The following BRINP3 variants were observed in gnomAD, a reference collection of about 807,000 sequenced individuals.
The protein encoded by BRINP3 is BMP/retinoic acid inducible neural specific 3, also known as BMP/retinoic acid-inducible neural-specific protein 3.
Under a neutral mutation model 71.0 loss-of-function variants are expected in BRINP3, and 19 were observed. That is an observed-to-expected ratio of 0.27 (90% confidence interval 0.19 to 0.39). The LOEUF (loss-of-function observed/expected upper bound fraction) is 0.39, where lower values mean the gene tolerates loss of function less well. Ranked by LOEUF, BRINP3 falls within the 10% of genes least tolerant of loss-of-function variation. BRINP3 has a pLI of 1.00. For missense variants in BRINP3, 959 were observed against 940.8 expected, an observed-to-expected ratio of 1.02 and a Z score of -0.25; for synonymous variants, 380 against 337.7, an observed-to-expected ratio of 1.13 and a Z score of -1.37.
Position 190,277,589 on chromosome 1 carries a change from C to T in BRINP3, c.427+3971G>A, listed in dbSNP as rs149061887. Among the ~76,000 whole-genome samples, 120 of 151,772 alleles carry T rather than the reference C, an allele frequency of 7.9e-4. 1 individual carries two copies. The East Asian group carries it at 0.015, about 19-fold the overall frequency. The stretch of plus-strand genomic sequence containing the variant: ...CAGTTTTGTTGCATTATAGTAAACT[C>T]TCTTTCTCCCCCTAATTAAAGCCCA... On this transcript the variant is annotated intron_variant, in intron 3 of 7. Coordinates refer to ENST00000367462, the MANE Select transcript of BRINP3 (RefSeq NM_199051.3).
chr1:190,180,536 G>T (rs755918367), intron 6 of BRINP3, among the ~76,000 whole-genome samples: 46 of 152,016 alleles, frequency 3.0e-4, no homozygotes, highest in Non-Finnish European at 4.6e-4. Flanking sequence ...TAATAAGTAA[G>T]ACGTTTTACA....
chr1:190,370,887 TTAAA>T (rs1298283928), intron 2 of BRINP3, among the ~76,000 whole-genome samples: 1 of 152,198 alleles, frequency 6.6e-6, no homozygotes, highest in Non-Finnish European at 1.5e-5. Flanking sequence ...TGTATTTTAA[TTAAA>T]TAATTTTAAT....
chr1:190,111,126 C>G (rs1198747483), intron 7 of BRINP3, among the ~76,000 whole-genome samples: 1 of 137,700 alleles, frequency 7.3e-6, no homozygotes, highest in Non-Finnish European at 1.5e-5. Flanking sequence ...TGCAGTCAGC[C>G]GAGATTGGGC....
intron 2 of BRINP3, among the ~76,000 whole-genome samples, chr1:190,325,199 A>G (rs897655556): frequency 7.9e-5 from 12 of 152,114 alleles, no homozygotes; most frequent in African/African-American, 2.9e-4. Context: ...GTAATAAAAA[A>G]TAGATTAATT....
chr1:190,465,736 C>A (rs1423886206), intron 1 of BRINP3, among the ~76,000 whole-genome samples: 1 of 151,858 alleles, frequency 6.6e-6, no homozygotes, highest in East Asian at 1.9e-4. Context: ...ACTTACCAAA[C>A]CCCATTAAAG....
At chr1:190,241,995 T>C (rs1241048795) in intron 4 of BRINP3, among the ~76,000 whole-genome samples, 1 of 151,750 alleles carries the variant, frequency 6.6e-6, no homozygotes, top group African/African-American at 2.4e-5. Context: ...TGATAGTCAT[T>C]AAGTCTTATT....
At chr1:190,435,433 C>T (rs537524123) in intron 2 of BRINP3, among the ~76,000 whole-genome samples, 1 of 151,706 alleles carries the variant, frequency 6.6e-6, no homozygotes, top group Admixed American at 6.6e-5. Flanking sequence ...GCAGAGAGAG[C>T]TTCTTGAGAT....
chr1:190,150,177 A>T (rs1366281907), intron 7 of BRINP3, among the ~76,000 whole-genome samples: 1 of 152,108 alleles, frequency 6.6e-6, no homozygotes, highest in East Asian at 1.9e-4. Flanking sequence ...CAAGGAAAAG[A>T]ACTCCAGATT....
Position 190,320,953 on chromosome 1 carries a change from TTA to T in BRINP3, c.237-39205_237-39204del, listed in dbSNP as rs572187818. On this transcript the variant is annotated intron_variant, in intron 2 of 7. Coordinates refer to ENST00000367462, the MANE Select transcript of BRINP3 (RefSeq NM_199051.3). ...GTGTGTTTGTATATATGTATATATG[TTA>T]TATATATATACACACACACACACGT... is the stretch of plus-strand genomic sequence containing the variant. Among the ~76,000 whole-genome samples the T allele has an allele frequency of 6.7e-3, 1,011 of 151,832 alleles. 5 individuals are homozygous for T. Among genetic ancestry groups the T allele is most frequent in the African/African-American group, 0.021 (887 of 41,392 alleles).
intron 1 of BRINP3, 65 bp downstream of exon 1, chr1:190,477,383 A>G (rs886397911): frequency 2.0e-5 from 3 of 152,234 alleles, no homozygotes; most frequent in Non-Finnish European, 2.9e-5. Context: ...ATACTTCAAC[A>G]AAACAGAGCT....
chr1:190,366,725 C>T (rs1255849346), intron 2 of BRINP3, among the ~76,000 whole-genome samples: 3 of 152,272 alleles, frequency 2.0e-5, no homozygotes, highest in South Asian at 2.1e-4. Context: ...TGGGTAAATA[C>T]ACCCATTCGA....
At chr1:190,151,184 C>T (rs1333127320) in intron 7 of BRINP3, among the ~76,000 whole-genome samples, 2 of 151,948 alleles carry the variant, frequency 1.3e-5, no homozygotes, top group African/African-American at 2.4e-5. Flanking sequence ...GTTCAGATTC[C>T]TATTTATTTG....
At chr1:190,240,172 G>GA (rs1043186028) in intron 4 of BRINP3, among the ~76,000 whole-genome samples, 4 of 151,430 alleles carry the variant, frequency 2.6e-5, no homozygotes, top group Admixed American at 1.3e-4. Flanking sequence ...TACCTAGAAT[G>GA]AAAAAAATAG....
intron 2 of BRINP3, among the ~76,000 whole-genome samples, chr1:190,448,065 ATG>A (rs1416803288): frequency 7.3e-5 from 11 of 151,684 alleles, no homozygotes; most frequent in Non-Finnish European, 7.4e-5. Context: ...TTAAATTTTT[ATG>A]TGTTTTGTTT....
intron 3 of BRINP3, among the ~76,000 whole-genome samples, chr1:190,270,007 C>T (rs1558129308): frequency 6.6e-6 from 1 of 151,918 alleles, no homozygotes; most frequent in East Asian, 1.9e-4. Flanking sequence ...TACAACCATA[C>T]GGTAGAACAC....
At chr1:190,176,541 T>C (rs1194866988) in intron 6 of BRINP3, among the ~76,000 whole-genome samples, 1 of 152,166 alleles carries the variant, frequency 6.6e-6, no homozygotes, top group African/African-American at 2.4e-5. Flanking sequence ...AAATTTGTAA[T>C]TAATTTAACA....
At chr1:190,121,465 A>G (rs1002418878) in intron 7 of BRINP3, among the ~76,000 whole-genome samples, 2 of 152,166 alleles carry the variant, frequency 1.3e-5, no homozygotes, top group African/African-American at 4.8e-5. Flanking sequence ...CAGATATCAA[A>G]TGTTTATGAA....
At chr1:190,249,883 C>A (rs933422303) in intron 4 of BRINP3, among the ~76,000 whole-genome samples, 1 of 151,736 alleles carries the variant, frequency 6.6e-6, no homozygotes, top group Non-Finnish European at 1.5e-5. Flanking sequence ...AGGAAAAAAT[C>A]ATTTTTAAGA....
intron 6 of BRINP3, among the ~76,000 whole-genome samples, chr1:190,193,880 A>G (rs1328194581): frequency 2.0e-5 from 3 of 152,100 alleles, no homozygotes; most frequent in Non-Finnish European, 4.4e-5. Flanking sequence ...GTAAGAGCCA[A>G]TCTTCTGTGG....
Sources: gnomAD v4.1 joint callset for allele counts (sites outside exome capture counted in the v4.1 genomes callset) on GRCh38, gnomAD v4.1.1 for gene constraint, MANE v1.5 for transcripts, NCBI Gene and HGNC (gene_info 2026-07-23, HGNC 2026-07-21) for gene names.